BMPR2: variants seen among roughly 807,000 people sequenced by gnomAD.
BMPR2 encodes bone morphogenetic protein receptor type 2.
BMPR2 carries 29 observed loss-of-function variants against 100.8 expected under a neutral mutation model. The observed-to-expected ratio is 0.29, with a 90% CI of 0.21 to 0.39. The LOEUF is 0.39. Among genes scored for constraint, BMPR2 ranks in the 10% least tolerant of loss-of-function variants. BMPR2 has a pLI of 1.00. For synonymous variants in BMPR2, 382 were observed against 442.3 expected (o/e 0.86, Z 1.71); for missense variants, 1,011 against 1,274.5 (o/e 0.79, Z 3.15).
intron 9 of BMPR2, among the ~76,000 whole-genome samples, chr2:202,536,554 AG>A (rs1282105573): frequency 1.3e-5 from 2 of 152,022 alleles, no homozygotes; most frequent in Non-Finnish European, 2.9e-5. Flanking sequence ...TTCTGAAAAT[AG>A]CAGTAATTGC....
intron 1 of BMPR2, among the ~76,000 whole-genome samples, chr2:202,439,745 C>CTTTTTT (rs201206348): frequency 7.4e-6 from 1 of 134,578 alleles, no homozygotes; most frequent in Non-Finnish European, 1.6e-5. Context: ...TTTCTTTTTT[C>CTTTTTT]TTTTTTCTTT....
At chr2:202,382,741 C>T (rs1690329577) in intron 1 of BMPR2, among the ~76,000 whole-genome samples, 1 of 152,166 alleles carries the variant, frequency 6.6e-6, no homozygotes, top group African/African-American at 2.4e-5. Flanking sequence ...AGTGGGAAGA[C>T]CACTGTTGGG....
In BMPR2 at chr2:202,561,849, G is replaced by A. The variant is rs1439720299; in HGVS notation, c.*1903G>A. 1 of 152,102 alleles carries A rather than the reference G, an allele frequency of 6.6e-6. No individual in the cohort carries two copies. Among genetic ancestry groups the A allele is most frequent in the Non-Finnish European group, 1.5e-5 (1 of 67,984 alleles). 9.4% of individuals were successfully genotyped at this position (152,102 alleles called of 1,614,324 possible). On this transcript the variant is annotated 3_prime_UTR_variant, in exon 13 of 13. Coordinates refer to ENST00000374580, the MANE Select transcript of BMPR2 (RefSeq NM_001204.7). ...TGTTACTATACCTACCATTTATTCA[G>A]CTGGATTGCTGAACACAGTTCTGGA...
Position 202,455,992 on chromosome 2 carries a change from G to T in BMPR2, c.77-8817G>T, listed in dbSNP as rs963437039. Among the ~76,000 whole-genome samples the T allele has an allele frequency of 2.1e-5, 3 of 141,972 alleles. No individual in the cohort carries two copies. The East Asian group carries it at 6.4e-4, about 30-fold the overall frequency. The allele number at this position is 141,972 out of a possible 152,430, so 93.1% of individuals were successfully genotyped here. ...AGGCAGGAGAATGGTGTGAACCGGG[G>T]AGGCAGAGCTTGCAGTGAGCCGAGA... On this transcript the variant is annotated intron_variant, in intron 1 of 12. Coordinates refer to ENST00000374580, the MANE Select transcript of BMPR2 (RefSeq NM_001204.7).
intron 3 of BMPR2, among the ~76,000 whole-genome samples, chr2:202,483,754 C>A (rs1160608697): frequency 6.6e-6 from 1 of 152,122 alleles, no homozygotes; most frequent in Non-Finnish European, 1.5e-5. Flanking sequence ...TTGCTGCCTG[C>A]AAGAGGTAAT....
intron 3 of BMPR2, among the ~76,000 whole-genome samples, chr2:202,502,433 TA>T (rs965151197): frequency 1.3e-5 from 2 of 151,430 alleles, no homozygotes; most frequent in Non-Finnish European, 2.9e-5. Context: ...GAAAGAGAGT[TA>T]AAAAGAGAGG....
At chr2:202,403,747 C>T (rs1190453424) in intron 1 of BMPR2, among the ~76,000 whole-genome samples, 4 of 152,126 alleles carry the variant, frequency 2.6e-5, no homozygotes, top group African/African-American at 7.2e-5. Context: ...TGGCTCACGC[C>T]TATAATCCCA....
chr2:202,512,337 A>AAACATTGC (rs925716899), intron 3 of BMPR2, among the ~76,000 whole-genome samples: 2 of 152,226 alleles, frequency 1.3e-5, no homozygotes, highest in Non-Finnish European at 2.9e-5. Flanking sequence ...CAGTATTACC[A>AAACATTGC]AACATTGCAT....
At position 202,405,674 on chromosome 2, in the gene BMPR2, C is replaced by T. The variant is rs1411566338; in HGVS notation, c.76+28124C>T. Reference sequence around the variant, plus strand: ...TTGCACTCCAGCCTGAGCAACAGAGCGAGACTCCGCCTCAAAAAAAAAAAA... The same window carrying T: ...TTGCACTCCAGCCTGAGCAACAGAGTGAGACTCCGCCTCAAAAAAAAAAAA... On this transcript the variant is annotated intron_variant, in intron 1 of 12. Coordinates refer to ENST00000374580, the MANE Select transcript of BMPR2 (RefSeq NM_001204.7). Among the ~76,000 whole-genome samples the T allele has an allele frequency of 1.7e-4, 20 of 115,762 alleles. 1 individual carries two copies. The highest frequency in any genetic ancestry group is 3.2e-5 in the Non-Finnish European group (2 of 61,762). 75.9% of individuals were successfully genotyped at this position (115,762 alleles called of 152,430 possible).
rs183255221 is a variant in BMPR2, at chr2:202,394,920, C to T, written c.76+17370C>T. On this transcript the variant is annotated intron_variant, in intron 1 of 12. Coordinates refer to ENST00000374580, the MANE Select transcript of BMPR2 (RefSeq NM_001204.7). ...TTTTTTTTTGAGACAGAGTCTCACTCTGTTTCCCAGGCTGGAGTGCAGTGG... is the reference window on the plus strand; with the variant it reads ...TTTTTTTTTGAGACAGAGTCTCACTTTGTTTCCCAGGCTGGAGTGCAGTGG... Among the ~76,000 whole-genome samples the T allele has an allele frequency of 3.1e-4, 46 of 148,828 alleles. No homozygotes were observed. In the East Asian group the frequency reaches 8.6e-3, roughly 28 times the overall value.
chr2:202,503,474 G>C lies in BMPR2; in HGVS notation c.419-10245G>C, dbSNP rs968100087. On this transcript the variant is annotated intron_variant, in intron 3 of 12. Transcript: ENST00000374580. This position sits in a 1 kb window ranked among gnomAD's most constrained non-coding sequence, Gnocchi z 4.0. ...CATGGGCTTGGCGGGCCCCGCACTCGGAGCAGCCAGCCCCGGGCAATGAGG... is the reference window on the plus strand; with the variant it reads ...CATGGGCTTGGCGGGCCCCGCACTCCGAGCAGCCAGCCCCGGGCAATGAGG... 6.6e-6 allele frequency among the ~76,000 whole-genome samples: 1 copy of C among 152,214 alleles called. No homozygotes were observed. Among genetic ancestry groups the C allele is most frequent in the Non-Finnish European group, 1.5e-5 (1 of 68,024 alleles).
intron 3 of BMPR2, among the ~76,000 whole-genome samples, chr2:202,484,968 C>CAAAA (rs747890922): frequency 3.7e-4 from 22 of 58,724 alleles, no homozygotes; most frequent in East Asian, 1.2e-3. Context: ...GACTCCGTCT[C>CAAAA]AAAAAAAAAA....
chr2:202,422,518 G>T (rs531924880), intron 1 of BMPR2, among the ~76,000 whole-genome samples: 1 of 151,944 alleles, frequency 6.6e-6, no homozygotes, highest in Admixed American at 6.6e-5. Context: ...GTGTTAGCCA[G>T]GATGGTCTCG....
At chr2:202,405,160 G>C (rs1274534417) in intron 1 of BMPR2, among the ~76,000 whole-genome samples, 3 of 151,978 alleles carry the variant, frequency 2.0e-5, no homozygotes, top group East Asian at 1.9e-4. Flanking sequence ...ACATTGGTCA[G>C]CTTTTTCTTA....
At chr2:202,546,164 T>C (rs539779089) in intron 10 of BMPR2, among the ~76,000 whole-genome samples, 3 of 152,316 alleles carry the variant, frequency 2.0e-5, no homozygotes, top group Non-Finnish European at 4.4e-5. Flanking sequence ...TTAAATCTAA[T>C]GTGCTACAGT....
chr2:202,448,221 G>A (rs1246016041), intron 1 of BMPR2, among the ~76,000 whole-genome samples: 1 of 150,990 alleles, frequency 6.6e-6, no homozygotes, highest in African/African-American at 2.4e-5. Flanking sequence ...AGGCCGAGGC[G>A]GGCGGATCAT....
At position 202,556,169 on chromosome 2, in the gene BMPR2, C is replaced by T. The variant is rs773080234; in HGVS notation, c.2504C>T (p.Thr835Ile). Reference sequence around the variant, plus strand: ...AATGGGACAGTACTATCTGGCCAAACAACCAACATAGTGACACATAGGGCC... The same window carrying T: ...AATGGGACAGTACTATCTGGCCAAATAACCAACATAGTGACACATAGGGCC... Reference protein sequence around the residue: ...YANGTVLSGQTTNIVTHRAQE... With the variant: ...YANGTVLSGQITNIVTHRAQE... The change falls in exon 12 of 13, where the codon ACA becomes ATA. Residue 835 changes from threonine to isoleucine, a missense_variant. Around this residue, in one of 6 missense-constraint regions of BMPR2, gnomAD observed 508 missense variants for 552.0 expected, o/e 0.92. Transcript: ENST00000374580. 1 of 1,611,876 alleles carries T rather than the reference C, an allele frequency of 6.2e-7. No homozygotes were observed. Among genetic ancestry groups the T allele is most frequent in the Non-Finnish European group, 8.5e-7 (1 of 1,178,104 alleles).
In BMPR2 at chr2:202,495,663, C is replaced by T. The variant is rs1437850167; in HGVS notation, c.419-18056C>T. Among the ~76,000 whole-genome samples the T allele has an allele frequency of 2.0e-5, 3 of 152,188 alleles. No homozygotes were observed. The highest frequency in any genetic ancestry group is 1.9e-4 in the East Asian group (1 of 5,188). On this transcript the variant is annotated intron_variant, in intron 3 of 12. Coordinates refer to ENST00000374580, the MANE Select transcript of BMPR2 (RefSeq NM_001204.7). The surrounding 1 kb of genome is among the most constrained non-coding windows in gnomAD (Gnocchi z 4.5). ...GCCCTAGTCAGGGACGCACCTTTCTCTACCCATTACTTACCTCCCCACTTC... is the reference window on the plus strand; with the variant it reads ...GCCCTAGTCAGGGACGCACCTTTCTTTACCCATTACTTACCTCCCCACTTC...
At chr2:202,407,819 A>ATTTCTT (rs755101725) in intron 1 of BMPR2, among the ~76,000 whole-genome samples, 68 of 151,092 alleles carry the variant, frequency 4.5e-4, no homozygotes, top group East Asian at 1.9e-4. Flanking sequence ...TTAACTCAGG[A>ATTTCTT]TTTCTTTTTC....
Sources: gnomAD v4.1 joint callset for allele counts (sites outside exome capture counted in the v4.1 genomes callset) on GRCh38, gnomAD v4.1.1 for gene constraint, gnomAD v4.1.1 regional missense constraint, Gnocchi (gnomAD v3.1) non-coding constraint, MANE v1.5 for transcripts, NCBI Gene and HGNC (gene_info 2026-07-23, HGNC 2026-07-21) for gene names.